PPP4R3B: variants seen among roughly 807,000 people sequenced by gnomAD.
PPP4R3B encodes protein phosphatase 4 regulatory subunit 3B.
PPP4R3B carries 52 observed loss-of-function variants against 95.4 expected under a neutral mutation model. The observed-to-expected ratio is 0.54, with a 90% confidence interval of 0.44 to 0.69. The LOEUF is 0.69. PPP4R3B is among the 30% of genes least tolerant of loss of function. The probability of loss-of-function intolerance (pLI) is 0.00; values close to 1 mark genes in which losing one functional copy is unlikely to be tolerated. For missense variants in PPP4R3B, 1,003 were observed against 1,005.9 expected (o/e 1.00, Z 0.04); for synonymous variants, 407 against 343.9 (o/e 1.18, Z -2.03).
chr2:55,566,592 T>G (rs1243719230), intron 13 of PPP4R3B, among the ~76,000 whole-genome samples: 2 of 152,252 alleles, frequency 1.3e-5, no homozygotes, highest in African/African-American at 4.8e-5. Flanking sequence ...AATTGACCAC[T>G]TTTAGAAAAA....
chr2:55,601,002 C>A (rs1692514106), intron 3 of PPP4R3B, among the ~76,000 whole-genome samples: 1 of 151,920 alleles, frequency 6.6e-6, no homozygotes, highest in Non-Finnish European at 1.5e-5. Context: ...CAAAAATTAG[C>A]CAGGCATGGT....
chr2:55,566,052 T>A (rs1022058323), intron 13 of PPP4R3B, among the ~76,000 whole-genome samples: 2 of 151,992 alleles, frequency 1.3e-5, no homozygotes, highest in African/African-American at 4.8e-5. Context: ...TCACTGCAAA[T>A]GCATGCATGC....
chr2:55,579,585 T>G lies in PPP4R3B; in HGVS notation c.1468+94A>C, dbSNP rs914632246. Reference sequence around the variant, plus strand: ...GTTTTTCAGTCGTAATCTCCCTGTCTTATAAAGTCTCAAGTAAATTGCCTG... The same window carrying G: ...GTTTTTCAGTCGTAATCTCCCTGTCGTATAAAGTCTCAAGTAAATTGCCTG... On this transcript the variant is annotated intron_variant, in intron 9 of 16. Coordinates refer to ENST00000616407, the MANE Select transcript of PPP4R3B (RefSeq NM_001122964.3). 6.7e-6 allele frequency: 5 copies of G among 751,478 alleles called. No individual in the cohort carries two copies. In the African/African-American group the frequency reaches 9.1e-5, roughly 14 times the overall value. 46.6% of individuals were successfully genotyped at this position (751,478 alleles called of 1,614,324 possible).
chr2:55,597,537 G>T (rs1691965876), intron 4 of PPP4R3B, among the ~76,000 whole-genome samples: 1 of 152,120 alleles, frequency 6.6e-6, no homozygotes. Context: ...CAGGAGAATG[G>T]CGTGAACCCG....
rs747610858 is a variant in PPP4R3B at position 55,617,235 on chromosome 2, C to T, written c.51G>A (p.Arg17=). 1 of 1,614,074 alleles carries T rather than the reference C, an allele frequency of 6.2e-7. No individual in the cohort carries two copies. The highest frequency in any genetic ancestry group is 8.5e-7 in the Non-Finnish European group (1 of 1,179,958). Residue 17 remains arginine, a synonymous_variant, in exon 1 of 17, where the codon CGG becomes CGA. Coordinates refer to ENST00000616407, the MANE Select transcript of PPP4R3B (RefSeq NM_001122964.3). ...RVKVYTLNED[R]QWDDRGTGHV... Reference sequence around the variant, plus strand: ...GCCCGGTGCCTCGGTCGTCCCATTGCCGGTCTTCGTTCAGGGTATAGACCT... The same window carrying T: ...GCCCGGTGCCTCGGTCGTCCCATTGTCGGTCTTCGTTCAGGGTATAGACCT...
intron 14 of PPP4R3B, 86 bp downstream of exon 14, chr2:55,564,816 C>A: frequency 6.7e-7 from 1 of 1,494,512 alleles, no homozygotes. Context: ...GAAAATTCCT[C>A]AGTAAATTTC....
At position 55,579,660 on chromosome 2, in the gene PPP4R3B, A is replaced by G; in HGVS notation, c.1468+19T>C. 1 of 1,482,874 alleles carries G rather than the reference A, an allele frequency of 6.7e-7. No homozygotes were observed. Among genetic ancestry groups the G allele is most frequent in the Non-Finnish European group, 9.0e-7 (1 of 1,107,460 alleles). 91.9% of individuals were successfully genotyped at this position (1,482,874 alleles called of 1,614,324 possible). ...TCTTTAAAAACAGAAATCACAGCAG[A>G]TAAATAAAGAGACCCTACCCTTTTC... On this transcript the variant is annotated intron_variant, in intron 9 of 16. Transcript: ENST00000616407.
At chr2:55,586,582 C>CA (rs770846583) in intron 6 of PPP4R3B, 36 bp downstream of exon 6, 2 of 1,288,458 alleles carry the variant, frequency 1.6e-6, no homozygotes, top group African/African-American at 3.0e-5. Context: ...TACAAATTTA[C>CA]AATTTCAAAA....
Position 55,617,198 on chromosome 2 carries a change from T to G in PPP4R3B, c.88A>C (p.Thr30Pro). The G allele has an allele frequency of 1.2e-6, 2 of 1,613,892 alleles. No homozygotes were observed. Among genetic ancestry groups the G allele is most frequent in the Non-Finnish European group, 1.7e-6 (2 of 1,179,862 alleles). The part of the protein sequence containing the change: ...DDRGTGHVSS[T>P]YVEELKGMSL... ...ATCCCCTTGAGCTCCTCCACGTAAG[T>G]GGAGGAGACGTGCCCGGTGCCTCGG... Residue 30 changes from threonine to proline, a missense_variant, in exon 1 of 17, where the codon ACT becomes CCT. Coordinates refer to ENST00000616407, the MANE Select transcript of PPP4R3B (RefSeq NM_001122964.3).
Position 55,599,055 on chromosome 2 carries a change from T to C in PPP4R3B, c.298-16A>G. On this transcript the variant is annotated splice_polypyrimidine_tract_variant and intron_variant, in intron 3 of 16. Transcript: ENST00000616407. ...TACCTTGAACCTAAAAATATCCAAG[T>C]ATACAGCTAATTACCTTAAAATACA... is the stretch of plus-strand genomic sequence containing the variant. 1 of 1,575,760 alleles carries C rather than the reference T, an allele frequency of 6.3e-7. No individual in the cohort carries two copies. Among genetic ancestry groups the C allele is most frequent in the Non-Finnish European group, 8.6e-7 (1 of 1,165,736 alleles).
At chr2:55,606,124 C>T (rs938776665) in intron 2 of PPP4R3B, among the ~76,000 whole-genome samples, 1 of 152,098 alleles carries the variant, frequency 6.6e-6, no homozygotes, top group Non-Finnish European at 1.5e-5. Flanking sequence ...CATCTTAGAG[C>T]CTTCCTCAAA....
intron 2 of PPP4R3B, among the ~76,000 whole-genome samples, chr2:55,608,064 G>A (rs1014847210): frequency 5.9e-5 from 9 of 152,154 alleles, no homozygotes; most frequent in Admixed American, 3.9e-4. Context: ...GGAATGCAGT[G>A]GTGCAATCTT....
intron 13 of PPP4R3B, among the ~76,000 whole-genome samples, chr2:55,567,090 A>C (rs1183191036): frequency 6.6e-6 from 1 of 152,250 alleles, no homozygotes; most frequent in East Asian, 1.9e-4. Flanking sequence ...GGTGTGTTTA[A>C]GTACAGGTGA....
At chr2:55,569,806 T>C (rs562391899) in intron 12 of PPP4R3B, among the ~76,000 whole-genome samples, 9 of 152,198 alleles carry the variant, frequency 5.9e-5, no homozygotes, top group African/African-American at 2.2e-4. Context: ...TTTTATCTCT[T>C]TGTCTTGTGT....
At chr2:55,603,137 G>A (rs1692869874) in intron 3 of PPP4R3B, among the ~76,000 whole-genome samples, 1 of 152,106 alleles carries the variant, frequency 6.6e-6, no homozygotes. Flanking sequence ...ACTTTGAGTA[G>A]AGATGAGGTT....
At chr2:55,552,432 C>G (rs1275050465) in intron 16 of PPP4R3B, among the ~76,000 whole-genome samples, 2 of 152,128 alleles carry the variant, frequency 1.3e-5, no homozygotes, top group African/African-American at 4.8e-5. Flanking sequence ...CTTGCTCTGT[C>G]GCCTGAGCTA....
intron 2 of PPP4R3B, among the ~76,000 whole-genome samples, chr2:55,613,210 C>T (rs560439649): frequency 3.6e-4 from 54 of 151,986 alleles, no homozygotes; most frequent in Non-Finnish European, 6.2e-4. Flanking sequence ...CCTAAATGGC[C>T]CTATGATTTC....
Position 55,599,022 on chromosome 2 carries a change from T to C in PPP4R3B, c.315A>G (p.Pro105=), listed in dbSNP as rs778895033. The C allele has an allele frequency of 6.2e-7, 1 of 1,613,240 alleles. No homozygotes were observed. Among genetic ancestry groups the C allele is most frequent in the Non-Finnish European group, 8.5e-7 (1 of 1,179,738 alleles). ...TGAGGTCCTGTGTGACTTCCACTGATGGGTCTTTACCTTGAACCTAAAAAT... is the reference window on the plus strand; with the variant it reads ...TGAGGTCCTGTGTGACTTCCACTGACGGGTCTTTACCTTGAACCTAAAAAT... The part of the protein sequence containing the change: ...EKICQVQGKD[P]SVEVTQDLID... The change falls in exon 4 of 17, where the codon CCA becomes CCG. Residue 105 remains proline (P), a synonymous_variant. Transcript: ENST00000616407.
intron 4 of PPP4R3B, among the ~76,000 whole-genome samples, chr2:55,597,089 CAG>C (rs758009778): frequency 2.1e-4 from 32 of 152,270 alleles, no homozygotes; most frequent in Middle Eastern, 3.4e-3. Flanking sequence ...TCAATGGGTT[CAG>C]AGTTTCTGTT....
Sources: allele counts gnomAD v4.1 joint callset (sites outside exome capture counted in the v4.1 genomes callset), GRCh38; gene constraint gnomAD v4.1.1; transcripts MANE v1.5; gene names NCBI Gene and HGNC (gene_info 2026-07-23, HGNC 2026-07-21).